The following SGCB variants were observed in gnomAD, a reference collection of about 807,000 sequenced individuals.
SGCB encodes beta-sarcoglycan.
In SGCB, 25 loss-of-function variants were observed where a neutral mutation model predicts 27.3. The ratio of observed to expected loss-of-function variants is 0.92; its 90% CI spans 0.67 to 1.28. The LOEUF (loss-of-function observed/expected upper bound fraction) is 1.28. Among genes scored for constraint, SGCB ranks in the 50% most tolerant of loss-of-function variants. The pLI is 0.00. For missense variants in SGCB, 436 were observed against 402.1 expected, an observed-to-expected ratio of 1.08 and a Z score of -0.72; for synonymous variants, 147 against 133.5, an observed-to-expected ratio of 1.10 and a Z score of -0.70.
chr4:52,028,705 G>A, intron 4 of SGCB, 25 bp downstream of exon 4: 2 of 1,522,074 alleles, frequency 1.3e-6, no homozygotes, highest in South Asian at 2.2e-5. Context: ...TCTCCCATTA[G>A]TAAAACAAAG....
At chr4:52,027,439 TA>T (rs1480730975) in intron 5 of SGCB, among the ~76,000 whole-genome samples, 1 of 151,704 alleles carries the variant, frequency 6.6e-6, no homozygotes, top group East Asian at 1.9e-4. Context: ...TAAAAATATC[TA>T]AATAAAATAA....
chr4:52,029,737 T>G lies in SGCB; in HGVS notation c.370A>C (p.Lys124Gln). Residue 124 changes from lysine to glutamine, a missense_variant, in exon 3 of 6, where the codon AAA (lysine) becomes CAA (glutamine). Physicochemically the swap from Lys to Gln is moderately conservative, Grantham distance 53 (BLOSUM62 1). Transcript: ENST00000381431. Reference protein sequence around the residue: ...SDMGVIHPLYKSTVGGRRNEN... With the variant: ...SDMGVIHPLYQSTVGGRRNEN... ...TTTCGCCTTCCTCCTACTGTGCTTT[T>G]ATAAAGAGGGTGGATCACTCCCATG... The G allele has an allele frequency of 6.2e-7, 1 of 1,613,918 alleles. No individual in the cohort carries two copies. Among genetic ancestry groups the G allele is most frequent in the African/African-American group, 1.3e-5 (1 of 75,002 alleles).
rs1239417082 is a variant in SGCB at position 52,038,266 on chromosome 4, G to A, written c.-7C>T. Reference sequence around the variant, plus strand: ...CCGCCGCCGCTGCCGCCATCTTCCCGCGCCCGCCGCCGCCGAGCTCCCCGC... The same window carrying A: ...CCGCCGCCGCTGCCGCCATCTTCCCACGCCCGCCGCCGCCGAGCTCCCCGC... On this transcript the variant is annotated 5_prime_UTR_variant, in exon 1 of 6. Transcript: ENST00000381431. 1 of 1,294,632 alleles carries A rather than the reference G, an allele frequency of 7.7e-7. No individual in the cohort carries two copies. The highest frequency in any genetic ancestry group is 3.3e-5 in the East Asian group (1 of 30,636). The allele number at this position is 1,294,632 out of a possible 1,614,324, so 80.2% of individuals were successfully genotyped here.
At position 52,020,840 on chromosome 4, in the gene SGCB, C is replaced by T. The variant is rs1386561554; in HGVS notation, c.*3117G>A. On this transcript the variant is annotated 3_prime_UTR_variant, in exon 6 of 6. Coordinates refer to ENST00000381431, the MANE Select transcript of SGCB (RefSeq NM_000232.5). ...TATACCATAATTGGTAATTTTTGCC[C>T]CCTCAATACTTTTAAGAAGACTGTT... The T allele has an allele frequency of 6.6e-6, 1 of 152,188 alleles. No homozygotes were observed. Among genetic ancestry groups the T allele is most frequent in the East Asian group, 1.9e-4 (1 of 5,174 alleles). The allele number at this position is 152,188 out of a possible 1,614,324, so 9.4% of individuals were successfully genotyped here.
rs145684226 is a variant in SGCB, at chr4:52,028,694, C to A, written c.621+36G>T. On this transcript the variant is annotated intron_variant, in intron 4 of 5. Transcript: ENST00000381431. ...CACTTTATAACTCTAGAGAATAATT[C>A]TCTCCCATTAGTAAAACAAAGCCAA... 348 of 1,413,232 alleles carry A rather than the reference C, an allele frequency of 2.5e-4. 2 individuals carry two copies. In the African/African-American group the frequency reaches 3.8e-3, roughly 15 times the overall value. The allele number at this position is 1,413,232 out of a possible 1,614,324, so 87.5% of individuals were successfully genotyped here. A position where few individuals can be genotyped will look rare whatever the true frequency, so the allele number is the denominator to read the frequency against.
chr4:52,035,907 CTT>C (rs1282016805), intron 1 of SGCB, among the ~76,000 whole-genome samples: 1 of 152,212 alleles, frequency 6.6e-6, no homozygotes, highest in Admixed American at 6.5e-5. Flanking sequence ...AGTCTTTACT[CTT>C]CTCTGCCAAA....
At chr4:52,028,375 C>T (rs1247669706) in intron 4 of SGCB, among the ~76,000 whole-genome samples, 3 of 152,168 alleles carry the variant, frequency 2.0e-5, no homozygotes, top group Admixed American at 6.5e-5. Context: ...CGGTGGCTCA[C>T]GCCTGTAATC....
chr4:52,036,947 T>G (rs1344187733), intron 1 of SGCB, among the ~76,000 whole-genome samples: 1 of 152,156 alleles, frequency 6.6e-6, no homozygotes, highest in Non-Finnish European at 1.5e-5. Context: ...ATTTTTGAGT[T>G]TGAGGTGCCT....
Position 52,023,997 on chromosome 4 carries a change from C to A in SGCB, c.917G>T (p.Gly306Val). 2 of 1,614,134 alleles carry A rather than the reference C, an allele frequency of 1.2e-6. No homozygotes were observed. The highest frequency in any genetic ancestry group is 1.7e-6 in the Non-Finnish European group (2 of 1,180,008). The change falls in exon 6 of 6, where the codon GGC (glycine) becomes GTC (valine). Residue 306 changes from glycine (G) to valine (V), a missense_variant. By Grantham distance (109) the Gly-to-Val change is moderately radical. Coordinates refer to ENST00000381431, the MANE Select transcript of SGCB (RefSeq NM_000232.5). ...ACAGGGGTTGTCTGAGATTTGGCAGCCCATGTTCTGGCTGGTTACTTGCAC... is the reference window on the plus strand; with the variant it reads ...ACAGGGGTTGTCTGAGATTTGGCAGACCATGTTCTGGCTGGTTACTTGCAC... ...FKVQVTSQNM[G>V]CQISDNPCGN...
intron 4 of SGCB, among the ~76,000 whole-genome samples, chr4:52,028,434 G>C (rs1045698290): frequency 6.6e-6 from 1 of 152,024 alleles, no homozygotes; most frequent in South Asian, 2.1e-4. Context: ...TCAGGAGATC[G>C]AGACCATCCT....
intron 1 of SGCB, among the ~76,000 whole-genome samples, chr4:52,034,884 G>A (rs1402917554): frequency 1.3e-5 from 2 of 152,068 alleles, no homozygotes; most frequent in African/African-American, 2.4e-5. Context: ...CCAATGTGAT[G>A]GCATCATCAC....
In SGCB at chr4:52,020,956, G is replaced by A. The variant is rs1323630317; in HGVS notation, c.*3001C>T. 6.6e-6 allele frequency: 1 copy of A among 152,238 alleles called. No individual in the cohort carries two copies. The allele number at this position is 152,238 out of a possible 1,614,324, so 9.4% of individuals were successfully genotyped here. A position where few individuals can be genotyped will look rare whatever the true frequency, so the allele number is the denominator to read the frequency against. ...TAAAAAAACACTCATTCAAATCTAG[G>A]TAGAACTTCCACCTTTCATCATCAA... On this transcript the variant is annotated 3_prime_UTR_variant, in exon 6 of 6. Transcript: ENST00000381431.
chr4:52,027,652 G>T (rs1371133323), intron 5 of SGCB, among the ~76,000 whole-genome samples: 1 of 143,694 alleles, frequency 7.0e-6, no homozygotes, highest in South Asian at 2.2e-4. Context: ...AAGAGAGAAA[G>T]AAACAGAAAA....
At chr4:52,027,586 A>G (rs931028167) in intron 5 of SGCB, among the ~76,000 whole-genome samples, 2 of 150,842 alleles carry the variant, frequency 1.3e-5, no homozygotes, top group Non-Finnish European at 3.0e-5. Flanking sequence ...TCTCTTTTAG[A>G]AGGTTTTTTT....
intron 1 of SGCB, among the ~76,000 whole-genome samples, chr4:52,037,915 C>G (rs970307583): frequency 2.0e-5 from 3 of 152,168 alleles, no homozygotes; most frequent in Non-Finnish European, 4.4e-5. Flanking sequence ...CCTGGCACGT[C>G]CCAGCGCAGG....
chr4:52,023,962 G>C lies in SGCB; in HGVS notation c.952C>G (p.His318Asp). 6.2e-7 allele frequency: 1 copy of C among 1,613,736 alleles called. No individual in the cohort carries two copies. The highest frequency in any genetic ancestry group is 8.5e-7 in the Non-Finnish European group (1 of 1,179,662). Residue 318 changes from histidine (H) to aspartate (D), a missense_variant, in exon 6 of 6, where the codon CAT (histidine) becomes GAT (aspartate). Coordinates refer to ENST00000381431, the MANE Select transcript of SGCB (RefSeq NM_000232.5). Reference protein sequence around the residue: ...QISDNPCGNTH With the variant: ...QISDNPCGNTD ...TGGTGACCTCTGGGGTTCTTTTAAT[G>C]AGTGTTTCCACAGGGGTTGTCTGAG...
intron 2 of SGCB, chr4:52,031,953 G>T (rs572149973): frequency 2.2e-6 from 1 of 455,962 alleles, no homozygotes; most frequent in Admixed American, 2.4e-5. Flanking sequence ...TTGCCTGGCT[G>T]CCAGGGAGCT....
intron 5 of SGCB, among the ~76,000 whole-genome samples, chr4:52,025,689 G>A (rs1052112986): frequency 1.2e-4 from 19 of 152,348 alleles, no homozygotes; most frequent in Middle Eastern, 6.8e-3. Context: ...CTGGCTGTTG[G>A]GTAGAAAACA....
intron 2 of SGCB, among the ~76,000 whole-genome samples, chr4:52,030,878 T>A (rs1436315341): frequency 6.6e-6 from 1 of 152,192 alleles, no homozygotes; most frequent in East Asian, 1.9e-4. Flanking sequence ...CAAAAATACG[T>A]CTTTATAATG....
Sources: allele counts gnomAD v4.1 joint callset (sites outside exome capture counted in the v4.1 genomes callset), GRCh38; gene constraint gnomAD v4.1.1; transcripts MANE v1.5; gene names NCBI Gene and HGNC (gene_info 2026-07-23, HGNC 2026-07-21).